Variants in PHLPP1 observed in about 807,000 individuals in gnomAD.
The protein encoded by PHLPP1 is PH domain and leucine rich repeat protein phosphatase 1.
A neutral mutation model predicts 117.2 loss-of-function variants in PHLPP1; 42 were observed. The ratio of observed to expected loss-of-function variants is 0.36; its 90% confidence interval spans 0.28 to 0.46. The LOEUF is 0.46. Ranked by LOEUF, PHLPP1 falls within the 20% of genes least tolerant of loss-of-function variation. The probability of loss-of-function intolerance (pLI) is 1.00; values close to 1 mark genes in which losing one functional copy is unlikely to be tolerated. For synonymous variants in PHLPP1, 1,042 were observed against 970.7 expected (o/e 1.07, Z -1.37); for missense variants, 2,084 against 2,241.9 (o/e 0.93, Z 1.42).
At chr18:62,750,675 T>C (rs1911822601) in intron 1 of PHLPP1, among the ~76,000 whole-genome samples, 1 of 152,048 alleles carries the variant, frequency 6.6e-6, no homozygotes, top group African/African-American at 2.4e-5. Context: ...AAGGAAACAC[T>C]GTATTCTATA....
intron 4 of PHLPP1, among the ~76,000 whole-genome samples, chr18:62,884,377 T>C (rs935212591): frequency 3.3e-5 from 5 of 152,236 alleles, no homozygotes; most frequent in Admixed American, 3.3e-4. Context: ...TATGTGCTTC[T>C]ATAGTTGGAC....
chr18:62,735,982 A>T (rs1911358551), intron 1 of PHLPP1, among the ~76,000 whole-genome samples: 1 of 151,790 alleles, frequency 6.6e-6, no homozygotes, highest in South Asian at 2.1e-4. Context: ...AAAAAAAAAG[A>T]GTATAGCTTT....
intron 1 of PHLPP1, 28 bp from the exon 2 acceptor site, chr18:62,830,007 A>G (rs1914712752): frequency 2.6e-6 from 4 of 1,566,636 alleles, no homozygotes; most frequent in Non-Finnish European, 1.7e-6. Context: ...TTTTAAAAGA[A>G]TAACATGTTT....
intron 1 of PHLPP1, among the ~76,000 whole-genome samples, chr18:62,812,843 A>G (rs941475353): frequency 2.0e-5 from 3 of 152,134 alleles, no homozygotes; most frequent in Non-Finnish European, 2.9e-5. Context: ...GTAACTTCAG[A>G]ATGTTGAATG....
chr18:62,914,012 C>G (rs111981094), intron 8 of PHLPP1, among the ~76,000 whole-genome samples: 1 of 151,878 alleles, frequency 6.6e-6, no homozygotes, highest in Non-Finnish European at 1.5e-5. Flanking sequence ...CCCAAAGTGC[C>G]GGGATTACAA....
chr18:62,949,173 T>C (rs1419058782), intron 12 of PHLPP1, among the ~76,000 whole-genome samples: 1 of 152,192 alleles, frequency 6.6e-6, no homozygotes, highest in Admixed American at 6.5e-5. Context: ...TTTAAAAACT[T>C]AGCAGATAAC....
At chr18:62,962,099 AC>A (rs1910784914) in intron 13 of PHLPP1, among the ~76,000 whole-genome samples, 1 of 152,170 alleles carries the variant, frequency 6.6e-6, no homozygotes, top group South Asian at 2.1e-4. Flanking sequence ...TAATACATAT[AC>A]TTTTTCCCTT....
At chr18:62,736,125 T>C (rs1159851987) in intron 1 of PHLPP1, among the ~76,000 whole-genome samples, 2 of 152,142 alleles carry the variant, frequency 1.3e-5, no homozygotes, top group East Asian at 1.9e-4. Context: ...TGCTTGTCCA[T>C]TCCTGATTGA....
At chr18:62,776,640 C>T (rs1173877547) in intron 1 of PHLPP1, among the ~76,000 whole-genome samples, 2 of 147,644 alleles carry the variant, frequency 1.4e-5, no homozygotes, top group African/African-American at 5.0e-5. Flanking sequence ...GACGGAGTCT[C>T]ACTCTGTGGC....
intron 1 of PHLPP1, among the ~76,000 whole-genome samples, chr18:62,729,096 G>T (rs1911159267): frequency 6.6e-6 from 1 of 152,166 alleles, no homozygotes. Context: ...TAGTGGGAAT[G>T]GGGGAGGGAA....
chr18:62,975,092 G>A (rs918864794), intron 15 of PHLPP1, among the ~76,000 whole-genome samples: 2 of 152,182 alleles, frequency 1.3e-5, no homozygotes, highest in African/African-American at 4.8e-5. Flanking sequence ...TGGTTGATGA[G>A]GGTAGCAGGC....
intron 1 of PHLPP1, among the ~76,000 whole-genome samples, chr18:62,726,112 G>T (rs909083279): frequency 6.6e-6 from 1 of 151,298 alleles, no homozygotes; most frequent in African/African-American, 2.4e-5. Context: ...ATATGTATGT[G>T]TATATACACA....
intron 4 of PHLPP1, among the ~76,000 whole-genome samples, chr18:62,886,738 T>C (rs1298967428): frequency 6.6e-6 from 1 of 152,224 alleles, no homozygotes; most frequent in Admixed American, 6.5e-5. Flanking sequence ...AAAGCGTGCC[T>C]TTGGAGTAAG....
At chr18:62,837,831 G>GT (rs972013890) in intron 2 of PHLPP1, 101 of 151,224 alleles carry the variant, frequency 6.7e-4, no homozygotes, top group African/African-American at 2.2e-3. Context: ...TAGCTGTAAG[G>GT]TTTTTTTTGT....
intron 10 of PHLPP1, among the ~76,000 whole-genome samples, chr18:62,924,182 T>A (rs1196880515): frequency 6.6e-6 from 1 of 152,198 alleles, no homozygotes; most frequent in Non-Finnish European, 1.5e-5. Context: ...AAGCTGTGTG[T>A]TTGGCAAATA....
chr18:62,759,399 C>G (rs1912140336), intron 1 of PHLPP1, among the ~76,000 whole-genome samples: 1 of 152,110 alleles, frequency 6.6e-6, no homozygotes, highest in Non-Finnish European at 1.5e-5. Context: ...GTGTTTGCAG[C>G]TAAAATGTTT....
intron 1 of PHLPP1, among the ~76,000 whole-genome samples, chr18:62,753,814 G>T (rs1911930990): frequency 6.6e-6 from 1 of 152,178 alleles, no homozygotes; most frequent in Non-Finnish European, 1.5e-5. Context: ...TTCTCTGCAA[G>T]TTCAATTAAT....
chr18:62,943,862 C>T (rs1394061281), intron 11 of PHLPP1, among the ~76,000 whole-genome samples: 3 of 152,000 alleles, frequency 2.0e-5, no homozygotes, highest in Admixed American at 6.5e-5. Context: ...CTCAGAAATT[C>T]GGGCTATCAT....
chr18:62,956,435 G>A (rs1331464783), intron 12 of PHLPP1, among the ~76,000 whole-genome samples: 5 of 152,144 alleles, frequency 3.3e-5, no homozygotes, highest in African/African-American at 9.7e-5. Context: ...ATACTATCAC[G>A]TTGGGGATTA....
Sources: allele counts gnomAD v4.1 joint callset (sites outside exome capture counted in the v4.1 genomes callset), GRCh38; gene constraint gnomAD v4.1.1; transcripts MANE v1.5; gene names NCBI Gene and HGNC (gene_info 2026-07-23, HGNC 2026-07-21).